ALKBH8: variants seen among roughly 807,000 people sequenced by gnomAD.
The protein encoded by ALKBH8 is alkB homolog 8, tRNA methyltransferase, also known as tRNA (carboxymethyluridine(34)-5-O)-methyltransferase ALKBH8.
ALKBH8 carries 36 observed loss-of-function variants against 59.8 expected under a neutral mutation model. That is an observed-to-expected ratio of 0.60 (90% CI 0.46 to 0.79). The LOEUF (loss-of-function observed/expected upper bound fraction) is 0.79. Ranked by LOEUF, ALKBH8 falls within the 30% of genes least tolerant of loss-of-function variation. The pLI is 0.00. For synonymous variants in ALKBH8, 276 were observed against 273.6 expected (o/e 1.01, Z -0.09); for missense variants, 768 against 801.0 (o/e 0.96, Z 0.50).
chr11:107,514,730 C>T (rs1210429624), intron 10 of ALKBH8, among the ~76,000 whole-genome samples: 2 of 151,970 alleles, frequency 1.3e-5, no homozygotes, highest in African/African-American at 2.4e-5. Flanking sequence ...CATTTAAATT[C>T]GGTTCATAGA....
chr11:107,561,180 T>C (rs961923016), intron 1 of ALKBH8, among the ~76,000 whole-genome samples: 7 of 152,180 alleles, frequency 4.6e-5, no homozygotes, highest in African/African-American at 1.7e-4. Flanking sequence ...ATGAATTCTT[T>C]ACTTATGAGG....
chr11:107,553,439 A>G (rs1294875624), intron 4 of ALKBH8, among the ~76,000 whole-genome samples: 1 of 152,152 alleles, frequency 6.6e-6, no homozygotes, highest in African/African-American at 2.4e-5. Context: ...TAACATGTAC[A>G]CTACCATTTA....
chr11:107,512,544 C>T (rs1862680430), intron 10 of ALKBH8, among the ~76,000 whole-genome samples: 1 of 152,074 alleles, frequency 6.6e-6, no homozygotes, highest in South Asian at 2.1e-4. Context: ...AACTCCTGGG[C>T]TCAAGTCATC....
At chr11:107,528,171 T>A (rs2135515162) in intron 8 of ALKBH8, among the ~76,000 whole-genome samples, 1 of 152,264 alleles carries the variant, frequency 6.6e-6, no homozygotes, top group East Asian at 1.9e-4. Flanking sequence ...CTAGGTTATA[T>A]TTTCTTTTTA....
At chr11:107,559,146 C>A (rs1031365394) in intron 2 of ALKBH8, among the ~76,000 whole-genome samples, 3 of 152,162 alleles carry the variant, frequency 2.0e-5, no homozygotes, top group Non-Finnish European at 4.4e-5. Flanking sequence ...GCCATGTAAG[C>A]CAGGACTTTC....
chr11:107,560,613 A>G (rs1809815767), intron 2 of ALKBH8, 152 bp downstream of exon 2: 1 of 656,170 alleles, frequency 1.5e-6, no homozygotes, highest in African/African-American at 1.8e-5. Flanking sequence ...ACCAAAATAG[A>G]AAGTTAGCAG....
chr11:107,558,535 C>T (rs1163812918), intron 2 of ALKBH8, among the ~76,000 whole-genome samples: 1 of 152,078 alleles, frequency 6.6e-6, no homozygotes, highest in Admixed American at 6.5e-5. Context: ...ACTACCCCAT[C>T]TAGGAATGGA....
Position 107,553,844 on chromosome 11 carries a change from T to G in ALKBH8, c.499+3A>C. 1 of 1,606,966 alleles carries G rather than the reference T, an allele frequency of 6.2e-7. No homozygotes were observed. The highest frequency in any genetic ancestry group is 8.5e-7 in the Non-Finnish European group (1 of 1,177,766). ...AATATCAGATTTTGAAAGTTTTACTTACAGTTTTGATTGTCTGTATCTTCT... is the reference window on the plus strand; with the variant it reads ...AATATCAGATTTTGAAAGTTTTACTGACAGTTTTGATTGTCTGTATCTTCT... On this transcript the variant is annotated splice_donor_region_variant and intron_variant, in intron 4 of 11. Transcript: ENST00000428149.
rs1865108025 is a variant in ALKBH8, at chr11:107,565,692, C to A, written c.-98G>T. ...TAGCACCAGAACACCGCAGCGGATA[C>A]TTGCACGCCATCTCCCCTGGGCGCG... On this transcript the variant is annotated 5_prime_UTR_variant, in exon 1 of 12. Coordinates refer to ENST00000428149, the MANE Select transcript of ALKBH8 (RefSeq NM_138775.3). 6.5e-7 allele frequency: 1 copy of A among 1,534,442 alleles called. No individual in the cohort carries two copies. The highest frequency in any genetic ancestry group is 1.2e-5 in the South Asian group (1 of 84,040).
intron 6 of ALKBH8, among the ~76,000 whole-genome samples, chr11:107,550,398 T>C (rs1249827527): frequency 1.3e-5 from 2 of 152,260 alleles, no homozygotes; most frequent in African/African-American, 4.8e-5. Context: ...AGAAATGCCC[T>C]GGCTGACTAG....
chr11:107,535,553 G>A (rs1490572430), intron 7 of ALKBH8, among the ~76,000 whole-genome samples: 2 of 151,952 alleles, frequency 1.3e-5, no homozygotes, highest in South Asian at 2.1e-4. Flanking sequence ...CTTGTATATT[G>A]TCTTTTAAGA....
rs1032944293 is a variant in ALKBH8, at chr11:107,503,643, G to A, written c.*1015C>T. The stretch of plus-strand genomic sequence containing the variant: ...TACAGATCTTAAAAATAACCCGATT[G>A]AACCTGGATTGGGACAAACTATGAA... On this transcript the variant is annotated 3_prime_UTR_variant, in exon 12 of 12. Coordinates refer to ENST00000428149, the MANE Select transcript of ALKBH8 (RefSeq NM_138775.3). 1 of 152,052 alleles carries A rather than the reference G, an allele frequency of 6.6e-6. No homozygotes were observed. Among genetic ancestry groups the A allele is most frequent in the Non-Finnish European group, 1.5e-5 (1 of 68,010 alleles). The allele number at this position is 152,052 out of a possible 1,614,324, so 9.4% of individuals were successfully genotyped here.
At chr11:107,555,941 A>C (rs966366355) in intron 3 of ALKBH8, among the ~76,000 whole-genome samples, 15 of 152,240 alleles carry the variant, frequency 9.9e-5, no homozygotes, top group Non-Finnish European at 4.4e-5. Context: ...AGACAGGAAC[A>C]TTTCTACCAT....
chr11:107,516,436 C>G (rs1158080013), intron 10 of ALKBH8, among the ~76,000 whole-genome samples: 1 of 152,168 alleles, frequency 6.6e-6, no homozygotes, highest in East Asian at 1.9e-4. Flanking sequence ...TTATCTCACA[C>G]CATCTACAAA....
At chr11:107,564,042 T>A (rs1865039313) in intron 1 of ALKBH8, among the ~76,000 whole-genome samples, 1 of 152,178 alleles carries the variant, frequency 6.6e-6, no homozygotes, top group Non-Finnish European at 1.5e-5. Context: ...ACAAAGCCAC[T>A]TCCCTGGCCA....
At chr11:107,553,781 G>C (rs1318672031) in intron 4 of ALKBH8, 66 bp downstream of exon 4, 1 of 1,520,228 alleles carries the variant, frequency 6.6e-7, no homozygotes, top group Non-Finnish European at 8.9e-7. Context: ...AACCATGAAA[G>C]ACAGAGGAAA....
At chr11:107,558,552 T>C (rs754861973) in intron 2 of ALKBH8, among the ~76,000 whole-genome samples, 3 of 152,170 alleles carry the variant, frequency 2.0e-5, no homozygotes, top group Non-Finnish European at 2.9e-5. Context: ...TGGAAGATGA[T>C]GAAGTATGAC....
Position 107,549,795 on chromosome 11 carries a change from G to A in ALKBH8, c.729C>T (p.Ser243=), listed in dbSNP as rs1048228218. ...QGIPAHIDTH[S]AFEDEIVSLS... is the part of the protein sequence containing the mutation. Reference sequence around the variant, plus strand: ...GAGAAACGATCTCATCCTCAAAAGCGGAATGTGTATCAATATGAGCGGGAA... The same window carrying A: ...GAGAAACGATCTCATCCTCAAAAGCAGAATGTGTATCAATATGAGCGGGAA... The change falls in exon 7 of 12, where the codon TCC becomes TCT. Residue 243 remains serine (S), a synonymous_variant. Coordinates refer to ENST00000428149, the MANE Select transcript of ALKBH8 (RefSeq NM_138775.3). 7.7e-6 allele frequency: 12 copies of A among 1,549,974 alleles called. No homozygotes were observed. Among genetic ancestry groups the A allele is most frequent in the South Asian group, 4.8e-5 (4 of 83,898 alleles).
At chr11:107,518,753 T>C (rs1240363603) in intron 10 of ALKBH8, among the ~76,000 whole-genome samples, 1 of 152,122 alleles carries the variant, frequency 6.6e-6, no homozygotes. Context: ...TTTTAGTTAA[T>C]TGAATATCTA....
Sources: gnomAD v4.1 joint callset for allele counts (sites outside exome capture counted in the v4.1 genomes callset) on GRCh38, gnomAD v4.1.1 for gene constraint, MANE v1.5 for transcripts, NCBI Gene and HGNC (gene_info 2026-07-23, HGNC 2026-07-21) for gene names.